TUSC3: variants seen among roughly 807,000 people sequenced by gnomAD.
TUSC3 encodes tumor suppressor candidate 3.
TUSC3 carries 45 observed loss-of-function variants against 44.8 expected under a neutral mutation model. The observed-to-expected ratio is 1.00, with a 90% confidence interval of 0.79 to 1.29. The LOEUF (loss-of-function observed/expected upper bound fraction) is 1.29. Among genes scored for constraint, TUSC3 ranks in the 50% most tolerant of loss-of-function variants. TUSC3 has a pLI of 0.00. For missense variants in TUSC3, 519 were observed against 437.9 expected, an observed-to-expected ratio of 1.19 and a Z score of -1.65; for synonymous variants, 212 against 152.9, an observed-to-expected ratio of 1.39 and a Z score of -2.85.
At chr8:15,574,971 A>G (rs1027407607) in intron 1 of TUSC3, among the ~76,000 whole-genome samples, 10 of 152,164 alleles carry the variant, frequency 6.6e-5, no homozygotes, top group Admixed American at 6.6e-5. Flanking sequence ...GAAGGAGAAT[A>G]GAGAGTTTAA....
chr8:15,757,797 G>C lies in TUSC3; in HGVS notation c.1035G>C (p.Leu345=). The change falls in exon 10 of 11, where the codon CTG becomes CTC. Residue 345 remains leucine, a synonymous_variant. Transcript: ENST00000503731. The part of the protein sequence containing the change: ...SKYHGYPYSD[L]DFE ...ATTGTGGTGTATTGGAAAGTGATCT[G>C]GACTTTGAGTGAGAAGATGTGATTT... 6.9e-7 allele frequency: 1 copy of C among 1,452,186 alleles called. No individual in the cohort carries two copies. Among genetic ancestry groups the C allele is most frequent in the Non-Finnish European group, 9.7e-7 (1 of 1,032,636 alleles). 90.0% of individuals were successfully genotyped at this position (1,452,186 alleles called of 1,614,324 possible).
At chr8:15,619,658 A>G (rs1805154366) in intron 1 of TUSC3, among the ~76,000 whole-genome samples, 2 of 151,766 alleles carry the variant, frequency 1.3e-5, no homozygotes, top group Non-Finnish European at 2.9e-5. Flanking sequence ...CGCCTGGCTA[A>G]TTTTTTGTAT....
chr8:15,575,063 A>G (rs1439252014), intron 1 of TUSC3, among the ~76,000 whole-genome samples: 1 of 152,144 alleles, frequency 6.6e-6, no homozygotes, highest in African/African-American at 2.4e-5. Context: ...CTATAAACTT[A>G]TCCGTAGCAA....
At chr8:15,686,223 AAAG>A (rs1381987046) in intron 6 of TUSC3, among the ~76,000 whole-genome samples, 1 of 152,214 alleles carries the variant, frequency 6.6e-6, no homozygotes, top group African/African-American at 2.4e-5. Context: ...TGTTGTTAAA[AAAG>A]CAATAATCTT....
At chr8:15,740,491 G>A (rs1811144247) in intron 7 of TUSC3, among the ~76,000 whole-genome samples, 1 of 151,338 alleles carries the variant, frequency 6.6e-6, no homozygotes, top group African/African-American at 2.4e-5. Context: ...TTAAGAAAAA[G>A]CAACTGTGCT....
intron 1 of TUSC3, among the ~76,000 whole-genome samples, chr8:15,476,545 G>T (rs1053081211): frequency 6.6e-6 from 1 of 152,156 alleles, no homozygotes; most frequent in Non-Finnish European, 1.5e-5. Flanking sequence ...TCTACATCGT[G>T]CTCAAGAATT....
chr8:15,837,787 G>T, the TUSC3 span, among the ~76,000 whole-genome samples: 2 of 152,032 alleles, frequency 1.3e-5, no homozygotes, highest in African/African-American at 4.8e-5. Flanking sequence ...CCATTTTCTG[G>T]TGAGTATTCT....
rs564645342 is a variant in TUSC3, at chr8:15,742,289, C to G, written c.863-1249C>G. ...CAAACATAGGTTTTTCTTTATTTTC[C>G]TTTTTTCTAGAAAGGGTTCCAAAGC... On this transcript the variant is annotated intron_variant, in intron 7 of 10. Transcript: ENST00000503731. Among the ~76,000 whole-genome samples, 16 of 151,956 alleles carry G rather than the reference C, an allele frequency of 1.1e-4. No individual in the cohort carries two copies. In the South Asian group the frequency reaches 1.2e-3, roughly 12 times the overall value.
the TUSC3 span, among the ~76,000 whole-genome samples, chr8:15,783,423 A>G: frequency 6.6e-6 from 1 of 152,218 alleles, no homozygotes; most frequent in Non-Finnish European, 1.5e-5. Flanking sequence ...TGAAGCAATC[A>G]TGAGCAAAAA....
the TUSC3 span, among the ~76,000 whole-genome samples, chr8:15,798,984 G>T: frequency 6.6e-6 from 1 of 152,110 alleles, no homozygotes; most frequent in Non-Finnish European, 1.5e-5. Flanking sequence ...ATCCAATCAG[G>T]AGCAGTAAGA....
At chr8:15,749,714 A>G (rs2129218570) in intron 9 of TUSC3, among the ~76,000 whole-genome samples, 1 of 147,416 alleles carries the variant, frequency 6.8e-6, no homozygotes, top group East Asian at 2.0e-4. Flanking sequence ...AGATTAAGTA[A>G]TATCCAAGAA....
intron 2 of TUSC3, among the ~76,000 whole-genome samples, chr8:15,647,414 T>G (rs1287288931): frequency 6.6e-6 from 1 of 152,182 alleles, no homozygotes; most frequent in Non-Finnish European, 1.5e-5. Context: ...ATTTTTCCTG[T>G]TGGAATAAAT....
chr8:15,562,026 C>T (rs368725621), intron 1 of TUSC3, among the ~76,000 whole-genome samples: 2 of 152,126 alleles, frequency 1.3e-5, no homozygotes, highest in Non-Finnish European at 2.9e-5. Flanking sequence ...CTTGGCTCCT[C>T]TCTTCAAAAA....
At chr8:15,809,890 A>G in the TUSC3 span, among the ~76,000 whole-genome samples, 1 of 152,160 alleles carries the variant, frequency 6.6e-6, no homozygotes, top group South Asian at 2.1e-4. Flanking sequence ...CCTATTTTTT[A>G]AAATCCTAAT....
chr8:15,538,481 A>G (rs1801562465), upstream of TUSC3, among the ~76,000 whole-genome samples: 1 of 152,236 alleles, frequency 6.6e-6, no homozygotes, highest in Non-Finnish European at 1.5e-5. Context: ...ATCGTAGCAT[A>G]AGCATGACTG....
At chr8:15,782,911 A>G in the TUSC3 span, among the ~76,000 whole-genome samples, 1 of 152,214 alleles carries the variant, frequency 6.6e-6, no homozygotes, top group Non-Finnish European at 1.5e-5. Context: ...AGATGTTCAA[A>G]TTGAAAAGGA....
intron 2 of TUSC3, among the ~76,000 whole-genome samples, chr8:15,535,065 T>G (rs1801504097): frequency 6.6e-6 from 1 of 152,248 alleles, no homozygotes. Context: ...ATTATTTTGC[T>G]TTAACATTTC....
chr8:15,588,024 GC>G (rs2129149247), intron 1 of TUSC3, among the ~76,000 whole-genome samples: 1 of 152,132 alleles, frequency 6.6e-6, no homozygotes, highest in African/African-American at 2.4e-5. Flanking sequence ...TAAACATGGG[GC>G]TGCAGGTATC....
chr8:15,503,351 C>A (rs925375629), intron 2 of TUSC3, among the ~76,000 whole-genome samples: 2 of 152,102 alleles, frequency 1.3e-5, no homozygotes, highest in Non-Finnish European at 2.9e-5. Flanking sequence ...AAAATAAATT[C>A]TTGTTTGAGC....
Sources: gnomAD v4.1 joint callset for allele counts (sites outside exome capture counted in the v4.1 genomes callset) on GRCh38, gnomAD v4.1.1 for gene constraint, MANE v1.5 for transcripts, NCBI Gene and HGNC (gene_info 2026-07-23, HGNC 2026-07-21) for gene names.